The following AKAP13 variants were observed in gnomAD, a reference collection of about 807,000 sequenced individuals.
The protein encoded by AKAP13 is A-kinase anchor protein 13.
In AKAP13, 80 loss-of-function variants were observed where a neutral mutation model predicts 264.5. The observed-to-expected ratio is 0.30, with a 90% confidence interval of 0.25 to 0.36. AKAP13 has a LOEUF of 0.36. Ranked by LOEUF, AKAP13 falls within the 10% of genes least tolerant of loss-of-function variation. The pLI is 1.00. For synonymous variants in AKAP13, 1,380 were observed against 1,250.2 expected, an observed-to-expected ratio of 1.10 and a Z score of -2.19; for missense variants, 3,712 against 3,435.2, an observed-to-expected ratio of 1.08 and a Z score of -2.01.
chr15:85,675,990 C>T (rs1267107580), intron 14 of AKAP13, among the ~76,000 whole-genome samples: 3 of 152,056 alleles, frequency 2.0e-5, no homozygotes, highest in African/African-American at 7.3e-5. Context: ...CGGCTCACTG[C>T]AACCTCTGCC....
At chr15:85,741,895 A>G (rs1262577968) in intron 35 of AKAP13, among the ~76,000 whole-genome samples, 1 of 152,034 alleles carries the variant, frequency 6.6e-6, no homozygotes, top group East Asian at 1.9e-4. Context: ...AAATACAGAA[A>G]TTAGCTGGGT....
intron 2 of AKAP13, among the ~76,000 whole-genome samples, chr15:85,501,589 T>C (rs2076038420): frequency 6.6e-6 from 1 of 152,244 alleles, no homozygotes; most frequent in Admixed American, 6.5e-5. Context: ...CTAGTGCTTA[T>C]CCACTATGCT....
rs199655190 is a variant in AKAP13 at position 85,433,117 on chromosome 15, G to GTTTT, written c.-12+52340_-12+52343dup. 2.1e-3 allele frequency among the ~76,000 whole-genome samples: 113 copies of GTTTT among 53,188 alleles called. 1 individual carries two copies. Among genetic ancestry groups the GTTTT allele is most frequent in the African/African-American group, 7.3e-3 (92 of 12,648 alleles). The allele number at this position is 53,188 out of a possible 152,430, so 34.9% of individuals were successfully genotyped here. A position where few individuals can be genotyped will look rare whatever the true frequency, so the allele number is the denominator to read the frequency against. ...TTAACACTGTGTTCCCTTCTGTACA[G>GTTTT]TTTTTTTTTTTTTTTTTTTTTTTTG... On this transcript the variant is annotated intron_variant, in intron 1 of 36. Transcript: ENST00000394518.
Position 85,748,711 on chromosome 15 carries a change from A to G in AKAP13, c.*4034A>G. Reference sequence around the variant, plus strand: ...AAGTACTCATCTAATTTAATTGTCAAAAGATTGATAGGCCATGAATTACTT... The same window carrying G: ...AAGTACTCATCTAATTTAATTGTCAGAAGATTGATAGGCCATGAATTACTT... On this transcript the variant is annotated 3_prime_UTR_variant, in exon 37 of 37. Coordinates refer to ENST00000394518, the MANE Select transcript of AKAP13 (RefSeq NM_007200.5). 1 of 152,146 alleles carries G rather than the reference A, an allele frequency of 6.6e-6. No homozygotes were observed. The highest frequency in any genetic ancestry group is 2.4e-5 in the African/African-American group (1 of 41,426). The allele number at this position is 152,146 out of a possible 1,614,324, so 9.4% of individuals were successfully genotyped here.
Position 85,708,207 on chromosome 15 carries a change from T to G in AKAP13, c.5532+121T>G. 1 of 854,918 alleles carries G rather than the reference T, an allele frequency of 1.2e-6. No individual in the cohort carries two copies. The highest frequency in any genetic ancestry group is 2.7e-5 in the East Asian group (1 of 36,502). 53.0% of individuals were successfully genotyped at this position (854,918 alleles called of 1,614,324 possible). ...TTTATTTTAATCATTTGGTACCAAC[T>G]TTGAGAACAAATTATAACTAAAAAA... On this transcript the variant is annotated intron_variant, in intron 18 of 36. Coordinates refer to ENST00000394518, the MANE Select transcript of AKAP13 (RefSeq NM_007200.5). The surrounding 1 kb of genome is among the most constrained non-coding windows in gnomAD (Gnocchi z 4.3).
At chr15:85,514,842 G>GT (rs201394362) in intron 2 of AKAP13, among the ~76,000 whole-genome samples, 13 of 114,636 alleles carry the variant, frequency 1.1e-4, no homozygotes, top group Admixed American at 4.0e-4. Context: ...GATTTTGAGG[G>GT]GTTTTTTTTT....
chr15:85,712,038 T>A (rs1265560470), intron 19 of AKAP13, among the ~76,000 whole-genome samples: 1 of 152,190 alleles, frequency 6.6e-6, no homozygotes, highest in Non-Finnish European at 1.5e-5. Flanking sequence ...CTCACTACGT[T>A]GCCCAGGCTC....
intron 8 of AKAP13, among the ~76,000 whole-genome samples, chr15:85,637,938 C>T (rs911798800): frequency 1.5e-4 from 22 of 145,594 alleles, no homozygotes; most frequent in African/African-American, 2.0e-4. Context: ...TGCAGTGGCG[C>T]GATCTTCACT....
chr15:85,556,975 G>A (rs754687728), intron 5 of AKAP13, among the ~76,000 whole-genome samples: 3 of 152,172 alleles, frequency 2.0e-5, no homozygotes, highest in Non-Finnish European at 4.4e-5. Context: ...TGCTGTAAAC[G>A]TCTTCTGGGA....
Position 85,471,958 on chromosome 15 carries a change from T to G in AKAP13, c.-11-13752T>G, listed in dbSNP as rs2074976352. Among the ~76,000 whole-genome samples the G allele has an allele frequency of 2.0e-5, 3 of 152,196 alleles. No individual in the cohort carries two copies. The South Asian group carries it at 6.2e-4, about 31-fold the overall frequency. On this transcript the variant is annotated intron_variant, in intron 1 of 36. Transcript: ENST00000394518. ...GGGGAAAGTTGACATTTAATGATATTAAGCTAATATATTTACCATGTATCT... is the reference window on the plus strand; with the variant it reads ...GGGGAAAGTTGACATTTAATGATATGAAGCTAATATATTTACCATGTATCT...
At chr15:85,701,321 T>C (rs1369149947) in intron 17 of AKAP13, 1 of 152,210 alleles carries the variant, frequency 6.6e-6, no homozygotes, top group Non-Finnish European at 1.5e-5. Flanking sequence ...ATAATAACCT[T>C]TGCTAGTTGT....
chr15:85,680,889 C>T (rs1021768113), intron 14 of AKAP13, among the ~76,000 whole-genome samples: 2 of 152,152 alleles, frequency 1.3e-5, no homozygotes, highest in East Asian at 1.9e-4. Flanking sequence ...GCAATCTCGG[C>T]TCACTGCAAC....
chr15:85,496,623 C>T (rs775386690), intron 2 of AKAP13, among the ~76,000 whole-genome samples: 1 of 152,188 alleles, frequency 6.6e-6, no homozygotes, highest in Non-Finnish European at 1.5e-5. Context: ...TATCGTTCTT[C>T]CTAGGAAATG....
chr15:85,519,209 A>G (rs11853972), intron 2 of AKAP13, among the ~76,000 whole-genome samples: 100,943 of 151,984 alleles, frequency 0.66, 33,615 homozygotes, highest in Middle Eastern at 0.76. Flanking sequence ...GCCATGGATG[A>G]TGGGTAAATG....
chr15:85,432,951 G>GA (rs1555428712), intron 1 of AKAP13, among the ~76,000 whole-genome samples: 3 of 148,818 alleles, frequency 2.0e-5, no homozygotes, highest in East Asian at 2.0e-4. Context: ...AATATAGAAA[G>GA]AAAAAAAAAT....
In AKAP13 at chr15:85,497,262, T is replaced by A. The variant is rs529863114; in HGVS notation, c.33+11509T>A. On this transcript the variant is annotated intron_variant, in intron 2 of 36. Coordinates refer to ENST00000394518, the MANE Select transcript of AKAP13 (RefSeq NM_007200.5). ...GGACATTTGATCTTAGAGGAATAGA[T>A]TCTTTCACTGGGGAGGAAGGGGCTC... Among the ~76,000 whole-genome samples the A allele has an allele frequency of 2.0e-5, 3 of 152,342 alleles. No individual in the cohort carries two copies. In the South Asian group the frequency reaches 6.2e-4, roughly 32 times the overall value.
chr15:85,693,243 A>G (rs776614701), intron 16 of AKAP13, 34 bp from the exon 17 acceptor site: 1 of 1,564,756 alleles, frequency 6.4e-7, no homozygotes, highest in South Asian at 1.2e-5. Context: ...TCCAGTGTTC[A>G]ATTAACTGTG....
At chr15:85,582,216 A>T in intron 7 of AKAP13, 109 bp downstream of exon 7, 3 of 1,240,080 alleles carry the variant, frequency 2.4e-6, no homozygotes, top group Non-Finnish European at 3.3e-6. Context: ...GAGGCCTTGC[A>T]CTCATTGGGT....
At chr15:85,426,626 A>T (rs2072790797) in intron 1 of AKAP13, among the ~76,000 whole-genome samples, 1 of 152,234 alleles carries the variant, frequency 6.6e-6, no homozygotes, top group Non-Finnish European at 1.5e-5. Flanking sequence ...AGTGTCATTC[A>T]GGAAAAACTT....
Sources: gnomAD v4.1 joint callset for allele counts (sites outside exome capture counted in the v4.1 genomes callset) on GRCh38, gnomAD v4.1.1 for gene constraint, Gnocchi (gnomAD v3.1) non-coding constraint, MANE v1.5 for transcripts, NCBI Gene and HGNC (gene_info 2026-07-23, HGNC 2026-07-21) for gene names.